Variants in SLIT3 observed in about 807,000 individuals in gnomAD.
The protein encoded by SLIT3 is slit guidance ligand 3, also known as slit homolog 3 protein.
In SLIT3, 68 loss-of-function variants were observed where a neutral mutation model predicts 184.0. The observed-to-expected ratio is 0.37, with a 90% CI of 0.30 to 0.45. The LOEUF is 0.45. SLIT3 is among the 20% of genes least tolerant of loss of function. SLIT3 has a pLI of 1.00. For missense variants in SLIT3, 1,707 were observed against 2,026.0 expected (o/e 0.84, Z 3.02); for synonymous variants, 831 against 828.6 (o/e 1.00, Z -0.05).
At chr5:168,945,468 C>G (rs1383124631) in intron 4 of SLIT3, among the ~76,000 whole-genome samples, 1 of 152,088 alleles carries the variant, frequency 6.6e-6, no homozygotes, top group African/African-American at 2.4e-5. Context: ...GAACTCCTGA[C>G]CTTATGATCT....
At chr5:168,792,526 C>T (rs886067564) in intron 10 of SLIT3, among the ~76,000 whole-genome samples, 16 of 152,144 alleles carry the variant, frequency 1.1e-4, no homozygotes, top group Admixed American at 1.0e-3. Flanking sequence ...GGTAGCTTTT[C>T]CAGACTGTTC....
At chr5:168,745,940 G>A (rs147727576) in intron 20 of SLIT3, among the ~76,000 whole-genome samples, 57 of 152,292 alleles carry the variant, frequency 3.7e-4, no homozygotes, top group African/African-American at 1.3e-3. Flanking sequence ...ATTATAACGC[G>A]CTGGAGGCTT....
In SLIT3 at chr5:168,984,041, C is replaced by A. The variant is rs1362424374; in HGVS notation, c.414-100705G>T. ...TTCCAGCCTGGGTGAGAGAGAGAAA[C>A]CCTGTCTCAAAATATATATATATTT... On this transcript the variant is annotated intron_variant, in intron 4 of 35. Transcript: ENST00000519560. 2.6e-5 allele frequency among the ~76,000 whole-genome samples: 4 copies of A among 151,186 alleles called. No homozygotes were observed. In the South Asian group the frequency reaches 8.4e-4, roughly 32 times the overall value.
intron 4 of SLIT3, among the ~76,000 whole-genome samples, chr5:168,944,614 C>CA (rs1302519841): frequency 6.6e-6 from 1 of 151,782 alleles, no homozygotes; most frequent in African/African-American, 2.4e-5. Context: ...GTAGTAGGCC[C>CA]AAAAAATGAC....
At chr5:168,997,138 G>A (rs114479530) in intron 4 of SLIT3, among the ~76,000 whole-genome samples, 5,340 of 152,166 alleles carry the variant, frequency 0.035, 116 homozygotes, top group Middle Eastern at 0.051. Flanking sequence ...GACGCATCGC[G>A]TGCCCCTTCT....
At chr5:168,987,657 A>G (rs1177627358) in intron 4 of SLIT3, among the ~76,000 whole-genome samples, 1 of 152,206 alleles carries the variant, frequency 6.6e-6, no homozygotes, top group Non-Finnish European at 1.5e-5. Context: ...CATCTAGCTC[A>G]CTGCCTCGTA....
intron 5 of SLIT3, among the ~76,000 whole-genome samples, chr5:168,852,209 G>A (rs936070658): frequency 1.3e-5 from 2 of 152,248 alleles, no homozygotes; most frequent in African/African-American, 2.4e-5. Flanking sequence ...GAGGGAGGAA[G>A]AAGCGAGAAA....
intron 20 of SLIT3, among the ~76,000 whole-genome samples, chr5:168,740,100 A>G (rs897537936): frequency 3.9e-5 from 6 of 152,192 alleles, no homozygotes; most frequent in African/African-American, 1.4e-4. Flanking sequence ...GCTTCTGAAA[A>G]GCATAAAGGA....
Position 168,762,631 on chromosome 5 carries a change from G to A in SLIT3, c.1518C>T (p.Pro506=), listed in dbSNP as rs776500729. Residue 506 remains proline, a synonymous_variant, in exon 15 of 36, where the codon CCC becomes CCT. Transcript: ENST00000519560. ...SSECFMDLVC[P]EKCRCEGTIV... is the part of the protein sequence containing the mutation. ...TCGTGCCCTCACAGCGACACTTCTC[G>A]GGGCACACGAGGTCCATGAAGCACT... The A allele has an allele frequency of 4.5e-5, 73 of 1,614,010 alleles. No homozygotes were observed. The highest frequency in any genetic ancestry group is 3.3e-4 in the African/African-American group (25 of 74,908).
At chr5:169,142,406 T>C (rs1362726753) in intron 4 of SLIT3, among the ~76,000 whole-genome samples, 1 of 152,214 alleles carries the variant, frequency 6.6e-6, no homozygotes, top group Non-Finnish European at 1.5e-5. Context: ...GAGTAATTGC[T>C]GACTCCATAA....
intron 4 of SLIT3, among the ~76,000 whole-genome samples, chr5:169,112,821 G>A (rs1760459943): frequency 6.6e-6 from 1 of 152,104 alleles, no homozygotes; most frequent in African/African-American, 2.4e-5. Context: ...TGGTTTGGAA[G>A]TGCTTAGTTC....
intron 1 of SLIT3, among the ~76,000 whole-genome samples, chr5:169,293,197 A>T (rs767819371): frequency 4.6e-5 from 7 of 152,186 alleles, no homozygotes; most frequent in Non-Finnish European, 7.3e-5. Context: ...TGGAAAAAAG[A>T]TTATACATGC....
At chr5:169,072,013 C>T (rs1478706578) in intron 4 of SLIT3, among the ~76,000 whole-genome samples, 1 of 152,170 alleles carries the variant, frequency 6.6e-6, no homozygotes, top group Non-Finnish European at 1.5e-5. Context: ...AACAATAGCT[C>T]AGCTTTGATC....
intron 1 of SLIT3, among the ~76,000 whole-genome samples, chr5:169,258,181 A>G (rs1766041561): frequency 6.6e-6 from 1 of 152,188 alleles, no homozygotes. Context: ...CTGAGATTTG[A>G]ACCTGGGCTC....
intron 20 of SLIT3, among the ~76,000 whole-genome samples, chr5:168,737,589 T>A (rs1763480598): frequency 6.6e-6 from 1 of 152,206 alleles, no homozygotes; most frequent in Admixed American, 6.5e-5. Context: ...TTCCCCCCTC[T>A]TTTCCTTGGG....
intron 4 of SLIT3, among the ~76,000 whole-genome samples, chr5:169,136,319 G>T (rs1250926325): frequency 6.6e-6 from 1 of 152,164 alleles, no homozygotes; most frequent in Non-Finnish European, 1.5e-5. Context: ...TTTTTGAAGT[G>T]CCTGCTACCC....
chr5:168,669,136 C>A (rs1351550642), intron 35 of SLIT3, among the ~76,000 whole-genome samples: 1 of 152,236 alleles, frequency 6.6e-6, no homozygotes, highest in African/African-American at 2.4e-5. Context: ...TGACTACCAC[C>A]TTCTGGTATT....
intron 4 of SLIT3, among the ~76,000 whole-genome samples, chr5:168,896,745 G>A (rs964425015): frequency 1.3e-5 from 2 of 152,200 alleles, no homozygotes; most frequent in African/African-American, 4.8e-5. Context: ...AAGTTGGCAG[G>A]AGACTCCCAC....
intron 4 of SLIT3, among the ~76,000 whole-genome samples, chr5:169,103,039 C>T (rs1321117594): frequency 6.6e-6 from 1 of 152,176 alleles, no homozygotes; most frequent in Non-Finnish European, 1.5e-5. Flanking sequence ...GTCATGGTGA[C>T]ATTTTTTGAG....
Sources: gnomAD v4.1 joint callset for allele counts (sites outside exome capture counted in the v4.1 genomes callset) on GRCh38, gnomAD v4.1.1 for gene constraint, MANE v1.5 for transcripts, NCBI Gene and HGNC (gene_info 2026-07-23, HGNC 2026-07-21) for gene names.